INPP4B: variants seen among roughly 807,000 people sequenced by gnomAD.
INPP4B encodes the protein inositol polyphosphate 4-phosphatase type II.
A neutral mutation model predicts 122.5 loss-of-function variants in INPP4B; 55 were observed. The observed-to-expected ratio is 0.45, with a 90% CI of 0.36 to 0.56. The LOEUF is 0.56. Ranked by LOEUF, INPP4B falls within the 20% of genes least tolerant of loss-of-function variation. INPP4B has a pLI of 0.00. For missense variants in INPP4B, 1,000 were observed against 1,097.7 expected (o/e 0.91, Z 1.26); for synonymous variants, 403 against 388.7 (o/e 1.04, Z -0.43).
intron 2 of INPP4B, among the ~76,000 whole-genome samples, chr4:142,514,817 A>T (rs1825208772): frequency 7.9e-6 from 1 of 126,570 alleles, no homozygotes; most frequent in African/African-American, 3.1e-5. Flanking sequence ...TTTTTTTGAG[A>T]CGAAGTCTCA....
chr4:142,564,311 A>C (rs1260639652), intron 2 of INPP4B, among the ~76,000 whole-genome samples: 1 of 152,110 alleles, frequency 6.6e-6, no homozygotes, highest in Non-Finnish European at 1.5e-5. Context: ...GAGTGGATCA[A>C]GTGAAGTAAG....
At chr4:142,649,819 C>CTGG (rs1240419878) in intron 2 of INPP4B, among the ~76,000 whole-genome samples, 1 of 152,166 alleles carries the variant, frequency 6.6e-6, no homozygotes, top group East Asian at 1.9e-4. Context: ...ACAACTTCCC[C>CTGG]AACCTAGCAA....
At chr4:142,447,039 T>C (rs1404802919) in intron 3 of INPP4B, among the ~76,000 whole-genome samples, 1 of 152,246 alleles carries the variant, frequency 6.6e-6, no homozygotes, top group Non-Finnish European at 1.5e-5. Flanking sequence ...ATATCTGTTA[T>C]GTTTTAAATA....
At chr4:142,092,838 C>T (rs1184346173) in intron 23 of INPP4B, among the ~76,000 whole-genome samples, 4 of 152,164 alleles carry the variant, frequency 2.6e-5, no homozygotes, top group Non-Finnish European at 5.9e-5. Flanking sequence ...AAGGACAAGT[C>T]AGAGTATTTC....
intron 1 of INPP4B, among the ~76,000 whole-genome samples, chr4:142,779,666 A>T (rs34442253): frequency 0.35 from 53,820 of 151,920 alleles, 9,729 homozygotes; most frequent in South Asian, 0.48. Context: ...CATGAGACAC[A>T]GGTTCTTGTT....
At chr4:142,543,291 G>A (rs1829150558) in intron 2 of INPP4B, among the ~76,000 whole-genome samples, 1 of 152,074 alleles carries the variant, frequency 6.6e-6, no homozygotes, top group Non-Finnish European at 1.5e-5. Context: ...TTCTAACTGA[G>A]GTTTAACTGT....
chr4:142,661,733 T>C (rs1447718769), intron 2 of INPP4B, among the ~76,000 whole-genome samples: 1 of 152,226 alleles, frequency 6.6e-6, no homozygotes, highest in Non-Finnish European at 1.5e-5. Flanking sequence ...GCACTACAGC[T>C]ACTAACTAGG....
At chr4:142,449,567 T>G (rs554486263) in intron 3 of INPP4B, among the ~76,000 whole-genome samples, 21 of 152,136 alleles carry the variant, frequency 1.4e-4, no homozygotes, top group African/African-American at 5.1e-4. Flanking sequence ...CTGGGTGTGG[T>G]GGCGCATGCC....
chr4:142,640,894 T>C (rs1750243576), intron 2 of INPP4B, among the ~76,000 whole-genome samples: 1 of 152,110 alleles, frequency 6.6e-6, no homozygotes, highest in African/African-American at 2.4e-5. Context: ...ACTCAGCAGA[T>C]TGGCTAAAAT....
intron 7 of INPP4B, among the ~76,000 whole-genome samples, chr4:142,340,373 A>T (rs1424353878): frequency 2.0e-5 from 3 of 151,396 alleles, no homozygotes; most frequent in Admixed American, 6.6e-5. Flanking sequence ...CCTTTTAAAA[A>T]ACATGATGCC....
At chr4:142,581,833 C>A (rs1735152364) in intron 2 of INPP4B, among the ~76,000 whole-genome samples, 1 of 151,824 alleles carries the variant, frequency 6.6e-6, no homozygotes, top group Non-Finnish European at 1.5e-5. Flanking sequence ...ACCATCTGAT[C>A]CTGAATTCAC....
chr4:142,725,856 T>A lies in INPP4B; in HGVS notation c.-208A>T. ...AGCATTACCTTTGTCTAATTTTTCA[T>A]AAAAGACAGAAGACCTCTTGCCAGG... On this transcript the variant is annotated 5_prime_UTR_variant, in exon 2 of 26. The change abolishes an upstream ATG in the 5' untranslated region. Coordinates refer to ENST00000262992, the MANE Select transcript of INPP4B (RefSeq NM_001101669.3). 2.5e-6 allele frequency: 1 copy of A among 398,060 alleles called. No individual in the cohort carries two copies. The highest frequency in any genetic ancestry group is 4.4e-6 in the Non-Finnish European group (1 of 225,704). 24.7% of individuals were successfully genotyped at this position (398,060 alleles called of 1,614,324 possible).
intron 2 of INPP4B, among the ~76,000 whole-genome samples, chr4:142,719,580 T>C (rs766569689): frequency 6.6e-6 from 1 of 152,094 alleles, no homozygotes; most frequent in African/African-American, 2.4e-5. Flanking sequence ...CGCCTCGGCC[T>C]CCCAAAGTGC....
At chr4:142,645,698 A>G (rs113611740) in intron 2 of INPP4B, among the ~76,000 whole-genome samples, 7 of 152,324 alleles carry the variant, frequency 4.6e-5, no homozygotes, top group African/African-American at 1.4e-4. Context: ...TGCCATTGGA[A>G]CGGTTATATC....
At chr4:142,101,430 T>G (rs1176774109) in intron 23 of INPP4B, among the ~76,000 whole-genome samples, 4 of 152,130 alleles carry the variant, frequency 2.6e-5, no homozygotes, top group Non-Finnish European at 4.4e-5. Flanking sequence ...ATTCTCATCG[T>G]TAGATAAAAT....
At chr4:142,456,255 T>C (rs1560677549) in intron 3 of INPP4B, among the ~76,000 whole-genome samples, 1 of 152,082 alleles carries the variant, frequency 6.6e-6, no homozygotes, top group Non-Finnish European at 1.5e-5. Flanking sequence ...GTTTTCCTAA[T>C]GTTTTCTTGT....
intron 7 of INPP4B, among the ~76,000 whole-genome samples, chr4:142,332,450 G>A (rs1256488920): frequency 6.6e-6 from 1 of 151,704 alleles, no homozygotes; most frequent in Non-Finnish European, 1.5e-5. Context: ...TATAAAGCAA[G>A]AGAGAAATAG....
At chr4:142,569,827 AAAG>A (rs1489539012) in intron 2 of INPP4B, among the ~76,000 whole-genome samples, 7 of 152,148 alleles carry the variant, frequency 4.6e-5, no homozygotes, top group African/African-American at 1.7e-4. Context: ...TACCACTGAC[AAAG>A]AATACAGTGA....
intron 1 of INPP4B, among the ~76,000 whole-genome samples, chr4:142,775,489 C>CCTTCT (rs1773723112): frequency 6.8e-6 from 1 of 146,866 alleles, no homozygotes; most frequent in Non-Finnish European, 1.5e-5. Flanking sequence ...TATTTTGTTC[C>CCTTCT]CTTCCCTTCC....
Sources: allele counts gnomAD v4.1 joint callset (sites outside exome capture counted in the v4.1 genomes callset), GRCh38; gene constraint gnomAD v4.1.1; transcripts MANE v1.5; gene names NCBI Gene and HGNC (gene_info 2026-07-23, HGNC 2026-07-21).